Variants in NALF1 observed in about 807,000 individuals in gnomAD.
NALF1 encodes NALCN channel auxiliary factor 1.
NALF1 carries 3 observed loss-of-function variants against 48.4 expected under a neutral mutation model. The ratio of observed to expected loss-of-function variants is 0.06; its 90% CI spans 0.03 to 0.16. The LOEUF (loss-of-function observed/expected upper bound fraction) is 0.16. NALF1 is among the 10% of genes least tolerant of loss of function. The pLI is 1.00. For synonymous variants in NALF1, 262 were observed against 245.7 expected, an observed-to-expected ratio of 1.07 and a Z score of -0.62; for missense variants, 526 against 571.5, an observed-to-expected ratio of 0.92 and a Z score of 0.81.
At chr13:107,768,068 C>T (rs1877466761) in intron 1 of NALF1, among the ~76,000 whole-genome samples, 1 of 152,140 alleles carries the variant, frequency 6.6e-6, no homozygotes, top group Non-Finnish European at 1.5e-5. Flanking sequence ...AGCGCCCTCA[C>T]TTAAGAGTCT....
intron 1 of NALF1, among the ~76,000 whole-genome samples, chr13:107,416,999 C>T (rs887345425): frequency 2.0e-5 from 3 of 152,310 alleles, no homozygotes; most frequent in Non-Finnish European, 2.9e-5. Context: ...CTGATGCTCA[C>T]GGTGGCACCT....
At chr13:107,553,077 T>C (rs1227967752) in intron 1 of NALF1, among the ~76,000 whole-genome samples, 1 of 152,000 alleles carries the variant, frequency 6.6e-6, no homozygotes, top group Admixed American at 6.6e-5. Flanking sequence ...ATCTTCAATA[T>C]CATCAATATA....
chr13:107,507,942 A>G (rs907158652), intron 1 of NALF1, among the ~76,000 whole-genome samples: 1 of 152,024 alleles, frequency 6.6e-6, no homozygotes, highest in Non-Finnish European at 1.5e-5. Context: ...CAAGCCACAC[A>G]CTCTTGCTAG....
chr13:107,435,636 C>A (rs1884451628), intron 1 of NALF1, among the ~76,000 whole-genome samples: 1 of 152,162 alleles, frequency 6.6e-6, no homozygotes, highest in African/African-American at 2.4e-5. Flanking sequence ...TTTTTTACTT[C>A]ATTCAAACAG....
chr13:107,668,959 T>G (rs1880925502), intron 1 of NALF1, among the ~76,000 whole-genome samples: 1 of 152,072 alleles, frequency 6.6e-6, no homozygotes, highest in African/African-American at 2.4e-5. Context: ...AAAAGATACC[T>G]TCGAAATCAG....
At chr13:107,377,876 T>C (rs1159185616) in intron 1 of NALF1, among the ~76,000 whole-genome samples, 1 of 152,202 alleles carries the variant, frequency 6.6e-6, no homozygotes, top group East Asian at 1.9e-4. Context: ...TCTAAATTAT[T>C]TCTGACTTTA....
chr13:107,823,995 A>ATTAT lies in NALF1; in HGVS notation c.915+41683_915+41686dup, dbSNP rs1879436200. On this transcript the variant is annotated intron_variant, in intron 1 of 2. Coordinates refer to ENST00000375915, the MANE Select transcript of NALF1 (RefSeq NM_001080396.3). The stretch of plus-strand genomic sequence containing the variant: ...CATTGCTGTTATTATTATTATTATT[A>ATTAT]TTATTATTATTGGTCCCCATCATTC... Among the ~76,000 whole-genome samples the ATTAT allele has an allele frequency of 1.3e-5, 2 of 151,546 alleles. 1 individual carries two copies. Among genetic ancestry groups the ATTAT allele is most frequent in the Non-Finnish European group, 2.9e-5 (2 of 67,930 alleles).
intron 1 of NALF1, among the ~76,000 whole-genome samples, chr13:107,214,274 A>G (rs1879827680): frequency 6.6e-6 from 1 of 152,232 alleles, no homozygotes; most frequent in Non-Finnish European, 1.5e-5. Flanking sequence ...ACTAAATCTT[A>G]AAAGTAATAA....
chr13:107,694,297 T>C (rs1057393099), intron 1 of NALF1, among the ~76,000 whole-genome samples: 3 of 132,494 alleles, frequency 2.3e-5, no homozygotes, highest in African/African-American at 8.3e-5. Flanking sequence ...CTCAATACTA[T>C]TCCACCTGCT....
intron 1 of NALF1, among the ~76,000 whole-genome samples, chr13:107,398,651 A>C (rs2138989370): frequency 6.6e-6 from 1 of 152,266 alleles, no homozygotes; most frequent in African/African-American, 2.4e-5. Context: ...ACTTGACTTT[A>C]ATTCAGAGTA....
chr13:107,759,222 G>A (rs1877198177), intron 1 of NALF1, among the ~76,000 whole-genome samples: 1 of 151,940 alleles, frequency 6.6e-6, no homozygotes, highest in African/African-American at 2.4e-5. Context: ...TTTTGTTTTT[G>A]TTTTTTGAGA....
chr13:107,753,736 C>T (rs753120728), intron 1 of NALF1, among the ~76,000 whole-genome samples: 3 of 151,964 alleles, frequency 2.0e-5, no homozygotes, highest in South Asian at 2.1e-4. Flanking sequence ...TATAGGTATA[C>T]GTCATTATTT....
chr13:107,768,627 A>T (rs1458533503), intron 1 of NALF1, among the ~76,000 whole-genome samples: 1 of 152,216 alleles, frequency 6.6e-6, no homozygotes, highest in Admixed American at 6.5e-5. Context: ...AATGGAAGAA[A>T]ATGGACTAAA....
At chr13:107,294,835 C>A (rs145048752) in intron 1 of NALF1, among the ~76,000 whole-genome samples, 4 of 152,156 alleles carry the variant, frequency 2.6e-5, no homozygotes, top group African/African-American at 4.8e-5. Context: ...GAGTAAAATA[C>A]GTACCTCACG....
rs202178329 is a variant in NALF1, at chr13:107,313,703, G to A, written c.916-102948C>T. Among the ~76,000 whole-genome samples, 7 of 152,188 alleles carry A rather than the reference G, an allele frequency of 4.6e-5. No homozygotes were observed. The East Asian group carries it at 1.4e-3, about 29-fold the overall frequency. On this transcript the variant is annotated intron_variant, in intron 1 of 2. Transcript: ENST00000375915. ...ATGTAGATTCACTGAGCCTGACTAA[G>A]GCATAAGTGACTATTCCTCTATCCT...
intron 1 of NALF1, among the ~76,000 whole-genome samples, chr13:107,514,454 T>TATCA (rs1875995147): frequency 6.6e-6 from 1 of 151,088 alleles, no homozygotes; most frequent in African/African-American, 2.5e-5. Context: ...TCTATCTATC[T>TATCA]ATCTAATCTA....
chr13:107,259,260 C>T (rs1019394464), intron 1 of NALF1, among the ~76,000 whole-genome samples: 1 of 152,094 alleles, frequency 6.6e-6, no homozygotes, highest in East Asian at 1.9e-4. Context: ...TTACAAGTAA[C>T]GGATCTTCAA....
intron 1 of NALF1, among the ~76,000 whole-genome samples, chr13:107,740,367 G>C (rs1876597654): frequency 6.6e-6 from 1 of 152,122 alleles, no homozygotes; most frequent in African/African-American, 2.4e-5. Flanking sequence ...CAGTCTGTGA[G>C]GCATCTGTTG....
At chr13:107,399,367 G>A (rs1427227899) in intron 1 of NALF1, among the ~76,000 whole-genome samples, 1 of 152,018 alleles carries the variant, frequency 6.6e-6, no homozygotes, top group Non-Finnish European at 1.5e-5. Context: ...TCATAATAGA[G>A]TAAAATGATC....
Sources: allele counts gnomAD v4.1 joint callset (sites outside exome capture counted in the v4.1 genomes callset), GRCh38; gene constraint gnomAD v4.1.1; transcripts MANE v1.5; gene names NCBI Gene and HGNC (gene_info 2026-07-23, HGNC 2026-07-21).